LATS2: variants seen among roughly 807,000 people sequenced by gnomAD.
LATS2 encodes large tumor suppressor kinase 2, also known as serine/threonine-protein kinase LATS2.
In LATS2, 24 loss-of-function variants were observed where a neutral mutation model predicts 76.0. The observed-to-expected ratio is 0.32, with a 90% CI of 0.23 to 0.44. The LOEUF (loss-of-function observed/expected upper bound fraction) is 0.44. LATS2 is among the 20% of genes least tolerant of loss of function. The probability of loss-of-function intolerance (pLI) is 1.00; values close to 1 mark genes in which losing one functional copy is unlikely to be tolerated. For synonymous variants in LATS2, 692 were observed against 635.4 expected (o/e 1.09, Z -1.34); for missense variants, 1,286 against 1,481.2 (o/e 0.87, Z 2.16).
intron 2 of LATS2, among the ~76,000 whole-genome samples, chr13:21,022,782 G>A (rs1872122142): frequency 6.6e-6 from 1 of 152,058 alleles, no homozygotes; most frequent in South Asian, 2.1e-4. Context: ...ACTGGAGTGG[G>A]TATAAACAGA....
rs1008086465 is a variant in LATS2, at chr13:21,028,054, A to G, written c.342+17631T>C. On this transcript the variant is annotated intron_variant, in intron 2 of 7. Transcript: ENST00000382592. The stretch of plus-strand genomic sequence containing the variant: ...ATTAACTCGTCATTTAGCATTAGGT[A>G]TATCTCCTAATGCTATCCCTCCCCC... Among the ~76,000 whole-genome samples the G allele has an allele frequency of 4.6e-5, 7 of 152,026 alleles. No homozygotes were observed. In the East Asian group the frequency reaches 5.8e-4, roughly 13 times the overall value.
At chr13:21,029,744 T>C (rs889553575) in intron 2 of LATS2, among the ~76,000 whole-genome samples, 8 of 151,938 alleles carry the variant, frequency 5.3e-5, no homozygotes, top group South Asian at 2.1e-4. Context: ...TGGGCCAAGA[T>C]TGCACCACTG....
Position 20,983,301 on chromosome 13 carries a change from T to A in LATS2, c.2405A>T (p.Asp802Val). ...IKPDNILIDL[D>V]GHIKLTDFGL... The stretch of plus-strand genomic sequence containing the variant: ...GAAATCTGTGAGTTTAATGTGACCA[T>A]CCAGATCTATCAAAATGTTATCAGG... The change falls in exon 5 of 8, where the codon GAT becomes GTT. Residue 802 changes from aspartate (D) to valine (V), a missense_variant. By Grantham distance (152) the Asp-to-Val change is radical. Coordinates refer to ENST00000382592, the MANE Select transcript of LATS2 (RefSeq NM_014572.3). The A allele has an allele frequency of 6.2e-7, 1 of 1,613,878 alleles. No homozygotes were observed. The highest frequency in any genetic ancestry group is 8.5e-7 in the Non-Finnish European group (1 of 1,179,960).
intron 2 of LATS2, among the ~76,000 whole-genome samples, chr13:21,039,261 TTAA>T (rs921633977): frequency 7.2e-5 from 11 of 152,224 alleles, no homozygotes; most frequent in South Asian, 2.1e-4. Flanking sequence ...TCTCCTCTTA[TTAA>T]TATTTCAGCA....
chr13:21,032,085 C>T (rs1872546395), intron 2 of LATS2, among the ~76,000 whole-genome samples: 1 of 152,166 alleles, frequency 6.6e-6, no homozygotes, highest in Admixed American at 6.5e-5. Context: ...CTAAGGGTTT[C>T]ACTTTCCGTT....
rs202040927 is a variant in LATS2, at chr13:20,988,224, G to C, written c.1556C>G (p.Pro519Arg). 1.2e-6 allele frequency: 2 copies of C among 1,608,194 alleles called. No homozygotes were observed. The highest frequency in any genetic ancestry group is 4.5e-5 in the East Asian group (2 of 44,848). Residue 519 changes from proline to arginine, a missense_variant, in exon 4 of 8, where the codon CCG becomes CGG. Physicochemically the swap from Pro to Arg is moderately radical, Grantham distance 103. Around this residue, in one of 5 missense-constraint regions of LATS2, gnomAD observed 710 missense variants for 660.9 expected, o/e 1.07. Transcript: ENST00000382592. ...CTTGCTGCGCAGCAGCAGGTGCTTC[G>C]GGTAGGGCGGAGGCGGGCACCTCCG... ...PDRRCPPPPY[P>R]KHLLLRSKSE...
intron 2 of LATS2, among the ~76,000 whole-genome samples, chr13:21,020,022 A>G (rs2138358464): frequency 6.6e-6 from 1 of 151,824 alleles, no homozygotes; most frequent in African/African-American, 2.4e-5. Flanking sequence ...TCATTGGCAT[A>G]CTTTTCTAGA....
At chr13:20,977,385 C>CA (rs112150926) in intron 7 of LATS2, among the ~76,000 whole-genome samples, 832 of 81,752 alleles carry the variant, frequency 0.01, 4 homozygotes, top group African/African-American at 0.025. Flanking sequence ...AACCCTGTCT[C>CA]AAAAAAAAAA....
intron 2 of LATS2, among the ~76,000 whole-genome samples, chr13:21,024,860 A>G (rs1172604455): frequency 3.9e-5 from 6 of 152,140 alleles, no homozygotes; most frequent in African/African-American, 1.4e-4. Flanking sequence ...TGCACACCTC[A>G]ATTGAGATGA....
intron 2 of LATS2, among the ~76,000 whole-genome samples, chr13:20,997,322 G>A (rs1393431854): frequency 6.6e-6 from 1 of 152,132 alleles, no homozygotes. Context: ...ATTGATGTTC[G>A]CTTAAAACTG....
At chr13:21,032,455 C>T (rs1000542083) in intron 2 of LATS2, among the ~76,000 whole-genome samples, 1 of 152,066 alleles carries the variant, frequency 6.6e-6, no homozygotes, top group Non-Finnish European at 1.5e-5. Context: ...TTAGTAGAGA[C>T]GGGTTTTCGC....
At chr13:21,033,281 A>T (rs1352651321) in intron 2 of LATS2, among the ~76,000 whole-genome samples, 2 of 152,142 alleles carry the variant, frequency 1.3e-5, no homozygotes, top group Non-Finnish European at 2.9e-5. Flanking sequence ...AATAGGGGGT[A>T]GAGGGGCGAG....
At chr13:20,983,877 G>C in intron 4 of LATS2, 71 bp from the exon 5 acceptor site, 3 of 1,243,834 alleles carry the variant, frequency 2.4e-6, no homozygotes, top group Non-Finnish European at 3.4e-6. Context: ...GACTGGGATG[G>C]GGATGCCCTG....
chr13:21,008,643 C>A (rs775326823), intron 2 of LATS2, among the ~76,000 whole-genome samples: 1 of 152,136 alleles, frequency 6.6e-6, no homozygotes, highest in African/African-American at 2.4e-5. Flanking sequence ...AATAAGAGAG[C>A]ACTTCACACC....
At chr13:21,031,951 T>A (rs1476741287) in intron 2 of LATS2, among the ~76,000 whole-genome samples, 2 of 152,212 alleles carry the variant, frequency 1.3e-5, no homozygotes, top group Non-Finnish European at 2.9e-5. Context: ...GTAATAGCTT[T>A]TTAAAAATTG....
intron 5 of LATS2, among the ~76,000 whole-genome samples, chr13:20,982,601 A>G (rs1009497679): frequency 3.9e-5 from 6 of 151,982 alleles, no homozygotes; most frequent in Admixed American, 2.0e-4. Flanking sequence ...GTGAGCCACC[A>G]TGCCCAGCCA....
At position 20,989,054 on chromosome 13, in the gene LATS2, T is replaced by C; in HGVS notation, c.726A>G (p.Ala242=). 6.3e-7 allele frequency: 1 copy of C among 1,577,682 alleles called. No individual in the cohort carries two copies. The highest frequency in any genetic ancestry group is 8.6e-7 in the Non-Finnish European group (1 of 1,167,016). ...CGCCCTGCAGCGGGAAGTGTGCCCC[T>C]GCTGCCTCTACGCTGGCACCGTAGC... is the stretch of plus-strand genomic sequence containing the variant. ...PKGYGASVEA[A]GAHFPLQGAH... The change falls in exon 4 of 8, where the codon GCA becomes GCG. Residue 242 remains alanine (A), a synonymous_variant. Transcript: ENST00000382592.
At chr13:21,053,027 G>T (rs1456922230) in intron 1 of LATS2, among the ~76,000 whole-genome samples, 1 of 151,998 alleles carries the variant, frequency 6.6e-6, no homozygotes, top group Admixed American at 6.6e-5. Context: ...ACGAGGTCAG[G>T]AGATCGAGAC....
In LATS2 at chr13:21,027,696, C is replaced by T. The variant is rs1375723360; in HGVS notation, c.342+17989G>A. On this transcript the variant is annotated intron_variant, in intron 2 of 7. Transcript: ENST00000382592. ...TTTTGAAAGTAAGGTAGTTTAAGGA[C>T]TCTACCTGTGTTCTTTTTTAAAACA... is the stretch of plus-strand genomic sequence containing the variant. Among the ~76,000 whole-genome samples the T allele has an allele frequency of 3.9e-5, 6 of 152,146 alleles. No homozygotes were observed. In the East Asian group the frequency reaches 5.8e-4, roughly 15 times the overall value.
Sources: gnomAD v4.1 joint callset for allele counts (sites outside exome capture counted in the v4.1 genomes callset) on GRCh38, gnomAD v4.1.1 for gene constraint, gnomAD v4.1.1 regional missense constraint, MANE v1.5 for transcripts, NCBI Gene and HGNC (gene_info 2026-07-23, HGNC 2026-07-21) for gene names.